The following ATP6AP2 variants were observed in gnomAD, a reference collection of about 807,000 sequenced individuals.
ATP6AP2 encodes the protein renin receptor.
Under a neutral mutation model 23.4 loss-of-function variants are expected in ATP6AP2, and 1 was observed. The ratio of observed to expected loss-of-function variants is 0.04; its 90% CI spans 0.02 to 0.20. ATP6AP2 has a LOEUF of 0.20. Ranked by LOEUF, ATP6AP2 falls within the 10% of genes least tolerant of loss-of-function variation. ATP6AP2 has a pLI of 1.00. For missense variants in ATP6AP2, 174 were observed against 271.3 expected (o/e 0.64, Z 2.52); for synonymous variants, 90 against 97.1 (o/e 0.93, Z 0.43).
At chrX:40,602,276 C>G (rs754229508) in intron 8 of ATP6AP2, among the ~76,000 whole-genome samples, 2 of 97,851 alleles carry the variant, frequency 2.0e-5, no homozygotes, top group African/African-American at 9.5e-5. Flanking sequence ...AGCAAGACTC[C>G]GTCTCAAATA....
intron 1 of ATP6AP2, among the ~76,000 whole-genome samples, chrX:40,585,749 A>C (rs1018753051): frequency 9.0e-6 from 1 of 111,269 alleles, no homozygotes; most frequent in Non-Finnish European, 1.9e-5. Flanking sequence ...CCAGCCACTC[A>C]GGAGTCTGAG....
Position 40,602,044 on chromosome X carries a change from G to A in ATP6AP2, c.858+1163G>A, listed in dbSNP as rs768735557. ...CGCCTGTAATCCCAGCACTTTGGGA[G>A]GTTGAGGCGGGCGGAACACCTGAGG... On this transcript the variant is annotated intron_variant, in intron 8 of 8. Transcript: ENST00000636580. Among the ~76,000 whole-genome samples, 401 of 106,548 alleles carry A rather than the reference G, an allele frequency of 3.8e-3. 79 individuals are homozygous for A. The highest frequency in any genetic ancestry group is 0.014 in the African/African-American group (383 of 26,539). 92.5% of individuals were successfully genotyped at this position (106,548 alleles called of 115,157 possible).
In ATP6AP2 at chrX:40,589,299, G is replaced by A. The variant is rs184127595; in HGVS notation, c.168+183G>A. The A allele has an allele frequency of 5.2e-4, 250 of 482,696 alleles. No individual in the cohort carries two copies. The African/African-American group carries it at 5.4e-3, about 10-fold the overall frequency. The allele number at this position is 482,696 out of a possible 1,213,427, so 39.8% of individuals were successfully genotyped here. A position where few individuals can be genotyped will look rare whatever the true frequency, so the allele number is the denominator to read the frequency against. ...TGTAATCCCGGCACTCTGGGAGGCCGAGGTGGGAGGCTCAGTTGAACCCAG... is the reference window on the plus strand; with the variant it reads ...TGTAATCCCGGCACTCTGGGAGGCCAAGGTGGGAGGCTCAGTTGAACCCAG... On this transcript the variant is annotated intron_variant, in intron 2 of 8. Transcript: ENST00000636580.
intron 1 of ATP6AP2, among the ~76,000 whole-genome samples, chrX:40,587,646 A>G (rs1926511839): frequency 8.9e-6 from 1 of 112,311 alleles, no homozygotes; most frequent in African/African-American, 3.2e-5. Context: ...TAATTTTCCC[A>G]TACTAGGTGT....
intron 1 of ATP6AP2, among the ~76,000 whole-genome samples, chrX:40,582,303 C>T (rs1370282197): frequency 1.8e-5 from 2 of 111,975 alleles, no homozygotes; most frequent in African/African-American, 6.5e-5. Flanking sequence ...TGGGGCACAC[C>T]TGTAATCCCA....
In ATP6AP2 at chrX:40,606,345, C is replaced by G. The variant is rs746157947; in HGVS notation, c.*590C>G. The G allele has an allele frequency of 8.8e-6, 1 of 113,775 alleles. No individual in the cohort carries two copies. Among genetic ancestry groups the G allele is most frequent in the Non-Finnish European group, 1.8e-5 (1 of 54,342 alleles). The allele number at this position is 113,775 out of a possible 1,213,427, so 9.4% of individuals were successfully genotyped here. ...AACCCTCTTCTGCAAGTTTGTTGAC[C>G]TACATGGGCTAATATGGATACTAAA... On this transcript the variant is annotated 3_prime_UTR_variant, in exon 9 of 9. Transcript: ENST00000636580.
At chrX:40,596,529 G>T (rs1428394056) in intron 3 of ATP6AP2, among the ~76,000 whole-genome samples, 1 of 111,557 alleles carries the variant, frequency 9.0e-6, no homozygotes, top group East Asian at 2.8e-4. Context: ...ATAGTGTTCT[G>T]TGTCGATCTG....
intron 2 of ATP6AP2, chrX:40,589,606 A>G (rs1418864955): frequency 1.7e-5 from 2 of 117,066 alleles, no homozygotes; most frequent in Non-Finnish European, 3.5e-5. Context: ...ATGATAAAAT[A>G]TATATGCATT....
intron 7 of ATP6AP2, chrX:40,600,477 G>A (rs1926877242): frequency 5.3e-6 from 1 of 190,100 alleles, no homozygotes; most frequent in Non-Finnish European, 9.6e-6. Context: ...ATTGTAAGAT[G>A]TAGTATATTT....
intron 8 of ATP6AP2, among the ~76,000 whole-genome samples, chrX:40,602,443 G>A (rs1926942106): frequency 1.1e-5 from 1 of 89,910 alleles, no homozygotes; most frequent in Non-Finnish European, 1.9e-5. Flanking sequence ...AAGGTTAGGA[G>A]TTCGAGACCA....
intron 3 of ATP6AP2, among the ~76,000 whole-genome samples, chrX:40,593,461 G>A (rs1018207782): frequency 9.0e-6 from 1 of 110,545 alleles, no homozygotes; most frequent in Non-Finnish European, 1.9e-5. Context: ...GCGCTTTAAA[G>A]GCTGTATAGT....
At chrX:40,597,407 T>C (rs1259219062) in intron 4 of ATP6AP2, 63 bp downstream of exon 4, 7 of 1,060,736 alleles carry the variant, frequency 6.6e-6, no homozygotes, top group Non-Finnish European at 9.1e-6. Context: ...TTGAAAATTA[T>C]GAAATGTAAT....
At chrX:40,587,628 C>G (rs886075466) in intron 1 of ATP6AP2, among the ~76,000 whole-genome samples, 1 of 112,440 alleles carries the variant, frequency 8.9e-6, no homozygotes, top group Admixed American at 9.4e-5. Flanking sequence ...TGATTCTTTA[C>G]TAAAGTCTAA....
rs141458466 is a variant in ATP6AP2, at chrX:40,589,080, C to T, written c.132C>T (p.Asp44=). ...NWPIPGERIP[D]VAALSMGFSV... is the part of the protein sequence containing the mutation. ...CTATACCAGGAGAGCGGATCCCAGA[C>T]GTGGCTGCATTGTCCATGGGCTTCT... The change falls in exon 2 of 9, where the codon GAC becomes GAT. Residue 44 remains aspartate (D), a synonymous_variant. Transcript: ENST00000636580. 5.3e-5 allele frequency: 64 copies of T among 1,208,037 alleles called. No individual in the cohort carries two copies. Among genetic ancestry groups the T allele is most frequent in the South Asian group, 3.2e-4 (18 of 56,807 alleles).
intron 8 of ATP6AP2, among the ~76,000 whole-genome samples, chrX:40,603,949 T>A (rs6610435): frequency 0.14 from 15,180 of 110,643 alleles, 2,071 homozygotes; most frequent in African/African-American, 0.4. Flanking sequence ...AACCTGATCA[T>A]GTCACTCACT....
chrX:40,581,165 C>G, intron 1 of ATP6AP2, 63 bp downstream of exon 1: 137 of 783,278 alleles, frequency 1.7e-4, no homozygotes, highest in Non-Finnish European at 2.1e-4. Flanking sequence ...GCTTGGGGGT[C>G]GGGGGCGGCC....
intron 7 of ATP6AP2, chrX:40,599,956 T>C (rs1252341422): frequency 4.8e-6 from 2 of 416,726 alleles, no homozygotes; most frequent in East Asian, 8.6e-5. Flanking sequence ...GGAAAAGTTA[T>C]CTCACACAAA....
chrX:40,587,924 G>C (rs1203528251), intron 1 of ATP6AP2, among the ~76,000 whole-genome samples: 5 of 112,883 alleles, frequency 4.4e-5, no homozygotes, highest in Non-Finnish European at 1.9e-5. Flanking sequence ...ACAACCAATC[G>C]TGTTCACTTT....
intron 1 of ATP6AP2, among the ~76,000 whole-genome samples, chrX:40,588,339 C>CCA (rs1926532480): frequency 4.1e-4 from 3 of 7,369 alleles, no homozygotes; most frequent in African/African-American, 5.9e-4. Flanking sequence ...TGTATGCCCC[C>CCA]CCCCCCCCCC....
Sources: gnomAD v4.1 joint callset for allele counts (sites outside exome capture counted in the v4.1 genomes callset) on GRCh38, gnomAD v4.1.1 for gene constraint, MANE v1.5 for transcripts, NCBI Gene and HGNC (gene_info 2026-07-23, HGNC 2026-07-21) for gene names.